Variants in COL24A1 observed in about 807,000 individuals in gnomAD.
The protein encoded by COL24A1 is collagen type XXIV alpha 1 chain.
Under a neutral mutation model 253.9 loss-of-function variants are expected in COL24A1, and 224 were observed. The ratio of observed to expected loss-of-function variants is 0.88; its 90% CI spans 0.79 to 0.99. The LOEUF (loss-of-function observed/expected upper bound fraction) is 0.99, where lower values mean the gene tolerates loss of function less well. Among genes scored for constraint, COL24A1 ranks in the 50% least tolerant of loss-of-function variants. The pLI, the probability that COL24A1 is intolerant of heterozygous loss-of-function variation, is 0.00. For missense variants in COL24A1, 2,131 were observed against 2,068.5 expected (o/e 1.03, Z -0.59); for synonymous variants, 685 against 673.7 (o/e 1.02, Z -0.26).
chr1:85,831,744 T>C (rs1010195933), intron 43 of COL24A1, among the ~76,000 whole-genome samples: 11 of 152,020 alleles, frequency 7.2e-5, no homozygotes, highest in Admixed American at 5.9e-4. Flanking sequence ...GAGGACATTC[T>C]GGCAGAGGCA....
intron 47 of COL24A1, among the ~76,000 whole-genome samples, chr1:85,807,022 A>G (rs1672049010): frequency 6.6e-6 from 1 of 152,218 alleles, no homozygotes; most frequent in Admixed American, 6.5e-5. Context: ...CTCCAAGACA[A>G]GAAATGGGGA....
rs1682881948 is a variant in COL24A1 at position 85,889,555 on chromosome 1, C to G, written c.2976+5G>C. 1 of 1,611,140 alleles carries G rather than the reference C, an allele frequency of 6.2e-7. No individual in the cohort carries two copies. Among genetic ancestry groups the G allele is most frequent in the Admixed American group, 1.7e-5 (1 of 59,832 alleles). On this transcript the variant is annotated splice_donor_5th_base_variant and intron_variant, in intron 32 of 59. Coordinates refer to ENST00000370571, the MANE Select transcript of COL24A1 (RefSeq NM_152890.7). ...ACAATTAGAAAAGTATAAAGATAAACTTACTGGCTCTCCTGGAAGTCCTCT... is the reference window on the plus strand; with the variant it reads ...ACAATTAGAAAAGTATAAAGATAAAGTTACTGGCTCTCCTGGAAGTCCTCT...
chr1:85,868,952 C>T, intron 35 of COL24A1, 117 bp from the exon 36 acceptor site: 1 of 617,322 alleles, frequency 1.6e-6, no homozygotes, highest in Non-Finnish European at 2.7e-6. Flanking sequence ...CTTATTTCTA[C>T]TACTTTATTT....
chr1:86,101,598 G>C (rs889799025), intron 5 of COL24A1, among the ~76,000 whole-genome samples: 26 of 152,080 alleles, frequency 1.7e-4, no homozygotes, highest in Admixed American at 1.2e-3. Context: ...TAACATGAAG[G>C]GGTGTTGAAT....
At chr1:85,756,689 T>G (rs1220209133) in intron 55 of COL24A1, among the ~76,000 whole-genome samples, 1 of 152,040 alleles carries the variant, frequency 6.6e-6, no homozygotes, top group East Asian at 1.9e-4. Flanking sequence ...AATTACTACA[T>G]GATACAACAG....
At chr1:85,925,514 C>T (rs556414276) in intron 24 of COL24A1, among the ~76,000 whole-genome samples, 1,806 of 152,122 alleles carry the variant, frequency 0.012, 28 homozygotes, top group African/African-American at 0.039. Flanking sequence ...TCAGAAATAA[C>T]GCCGCATATC....
At chr1:86,010,653 C>T (rs1045758675) in intron 19 of COL24A1, among the ~76,000 whole-genome samples, 8 of 152,104 alleles carry the variant, frequency 5.3e-5, no homozygotes, top group African/African-American at 1.4e-4. Context: ...AGTTTATTCA[C>T]TGCAGGAGTG....
intron 10 of COL24A1, among the ~76,000 whole-genome samples, chr1:86,053,977 C>T (rs1700498899): frequency 6.6e-6 from 1 of 151,982 alleles, no homozygotes; most frequent in Non-Finnish European, 1.5e-5. Flanking sequence ...AAAATCTATA[C>T]TTGATAAAGC....
chr1:86,068,256 G>A (rs1701633569), intron 7 of COL24A1, among the ~76,000 whole-genome samples: 1 of 152,204 alleles, frequency 6.6e-6, no homozygotes, highest in Admixed American at 6.5e-5. Context: ...AGGCACTGAG[G>A]AGGACAAGAG....
chr1:85,980,262 G>A (rs1693116220), intron 20 of COL24A1, among the ~76,000 whole-genome samples: 2 of 152,118 alleles, frequency 1.3e-5, no homozygotes, highest in African/African-American at 4.8e-5. Flanking sequence ...AAGCATTCCT[G>A]CTGAGAATTG....
In COL24A1 at chr1:86,082,605, A is replaced by T. The variant is rs116129707; in HGVS notation, c.1707+6569T>A. Among the ~76,000 whole-genome samples the T allele has an allele frequency of 5.8e-3, 532 of 92,278 alleles. 6 individuals carry two copies. Among genetic ancestry groups the T allele is most frequent in the African/African-American group, 0.022 (523 of 23,942 alleles). The allele number at this position is 92,278 out of a possible 152,430, so 60.5% of individuals were successfully genotyped here. On this transcript the variant is annotated intron_variant, in intron 7 of 59. Transcript: ENST00000370571. ...ATAGCATAATTTATTTACGTAATAT[A>T]TAAATATAATAATTTGTATATATTT...
intron 55 of COL24A1, among the ~76,000 whole-genome samples, chr1:85,759,576 C>G (rs1350745583): frequency 6.6e-6 from 1 of 151,848 alleles, no homozygotes; most frequent in African/African-American, 2.4e-5. Context: ...TCATATTGGC[C>G]AAGAAGGAAT....
rs559732854 is a variant in COL24A1, at chr1:85,872,757, C to T, written c.3138+1892G>A. ...ACCCTAGAAGAAAACCTAGGCATTA[C>T]CATTCAGGACATAGGCATGGGCAAG... On this transcript the variant is annotated intron_variant, in intron 35 of 59. Transcript: ENST00000370571. Among the ~76,000 whole-genome samples, 151 of 152,302 alleles carry T rather than the reference C, an allele frequency of 9.9e-4. 2 individuals are homozygous for T. The highest frequency in any genetic ancestry group is 1.6e-3 in the Non-Finnish European group (112 of 68,034).
At position 85,876,993 on chromosome 1, in the gene COL24A1, G is replaced by GT. The variant is rs202079559; in HGVS notation, c.3030+128dup. On this transcript the variant is annotated intron_variant, in intron 33 of 59. Coordinates refer to ENST00000370571, the MANE Select transcript of COL24A1 (RefSeq NM_152890.7). ...CATCTCTGCTTTTAATGGAATTTTA[G>GT]TTTTTTTCTGAATATGAAACAATAC... The GT allele has an allele frequency of 1.9e-3, 1,120 of 589,126 alleles. 7 individuals are homozygous for GT. The highest frequency in any genetic ancestry group is 0.016 in the African/African-American group (830 of 51,112). The allele number at this position is 589,126 out of a possible 1,614,324, so 36.5% of individuals were successfully genotyped here.
At chr1:86,025,181 G>C (rs1290017066) in intron 14 of COL24A1, among the ~76,000 whole-genome samples, 1 of 152,106 alleles carries the variant, frequency 6.6e-6, no homozygotes, top group Non-Finnish European at 1.5e-5. Context: ...TTCTACCAAG[G>C]TAACCTGAAA....
intron 43 of COL24A1, among the ~76,000 whole-genome samples, chr1:85,828,522 G>T (rs1674710945): frequency 6.6e-6 from 1 of 151,580 alleles, no homozygotes; most frequent in South Asian, 2.1e-4. Context: ...TGACAGTGGG[G>T]TGTTAAAGTC....
intron 24 of COL24A1, among the ~76,000 whole-genome samples, chr1:85,959,008 G>T (rs1406046868): frequency 2.6e-5 from 4 of 152,100 alleles, no homozygotes; most frequent in African/African-American, 9.7e-5. Flanking sequence ...AACAAACCTG[G>T]AGGAGGGCCA....
At chr1:85,993,853 A>C (rs1694523290) in intron 19 of COL24A1, among the ~76,000 whole-genome samples, 1 of 152,078 alleles carries the variant, frequency 6.6e-6, no homozygotes, top group Admixed American at 6.6e-5. Flanking sequence ...TATTAGTTGA[A>C]CTAGTTTTCA....
intron 24 of COL24A1, among the ~76,000 whole-genome samples, chr1:85,953,824 A>T (rs1690168879): frequency 1.3e-5 from 2 of 152,176 alleles, no homozygotes; most frequent in Admixed American, 6.5e-5. Flanking sequence ...TGTGATTTTT[A>T]AAAAATAATC....
Sources: allele counts gnomAD v4.1 joint callset (sites outside exome capture counted in the v4.1 genomes callset), GRCh38; gene constraint gnomAD v4.1.1; transcripts MANE v1.5; gene names NCBI Gene and HGNC (gene_info 2026-07-23, HGNC 2026-07-21).